GABRB1: variants seen among roughly 807,000 people sequenced by gnomAD.
The protein encoded by GABRB1 is gamma-aminobutyric acid receptor subunit beta-1.
Under a neutral mutation model 51.6 loss-of-function variants are expected in GABRB1, and 17 were observed. The observed-to-expected ratio is 0.33, with a 90% confidence interval of 0.23 to 0.49. The LOEUF (loss-of-function observed/expected upper bound fraction) is 0.49, where lower values mean the gene tolerates loss of function less well. Ranked by LOEUF, GABRB1 falls within the 20% of genes least tolerant of loss-of-function variation. The probability of loss-of-function intolerance (pLI) is 0.99; values close to 1 mark genes in which losing one functional copy is unlikely to be tolerated. For missense variants in GABRB1, 410 were observed against 600.6 expected (o/e 0.68, Z 3.32); for synonymous variants, 247 against 218.9 (o/e 1.13, Z -1.14).
At chr4:47,360,150 T>A (rs1262042070) in intron 5 of GABRB1, among the ~76,000 whole-genome samples, 1 of 151,746 alleles carries the variant, frequency 6.6e-6, no homozygotes, top group African/African-American at 2.4e-5. Context: ...AGACCCAGCA[T>A]AATCTCGAGA....
intron 5 of GABRB1, among the ~76,000 whole-genome samples, chr4:47,362,367 T>G (rs1308438074): frequency 6.6e-6 from 1 of 151,680 alleles, no homozygotes; most frequent in Non-Finnish European, 1.5e-5. Context: ...GTGAGTAGAG[T>G]GGCAGCAAGA....
intron 4 of GABRB1, among the ~76,000 whole-genome samples, chr4:47,165,258 A>G (rs1207636914): frequency 6.6e-6 from 1 of 151,914 alleles, no homozygotes; most frequent in East Asian, 1.9e-4. Flanking sequence ...CCATGTCTGC[A>G]TGTAATCTTC....
intron 3 of GABRB1, among the ~76,000 whole-genome samples, chr4:47,051,169 C>T (rs538308723): frequency 5.3e-5 from 8 of 152,230 alleles, no homozygotes; most frequent in South Asian, 2.1e-4. Flanking sequence ...AAAAAAAAGA[C>T]GGGGATTTCA....
intron 5 of GABRB1, among the ~76,000 whole-genome samples, chr4:47,393,690 T>C (rs1035207111): frequency 1.3e-5 from 2 of 152,236 alleles, no homozygotes; most frequent in African/African-American, 4.8e-5. Context: ...ATTCCCTGTA[T>C]ACAGTATTCA....
At chr4:47,081,649 C>T (rs2109567848) in intron 3 of GABRB1, among the ~76,000 whole-genome samples, 1 of 152,068 alleles carries the variant, frequency 6.6e-6, no homozygotes, top group South Asian at 2.1e-4. Context: ...CTTAATGTGC[C>T]CAAGTTTAAT....
intron 1 of GABRB1, among the ~76,000 whole-genome samples, chr4:47,019,565 C>G (rs1411228512): frequency 6.6e-6 from 1 of 151,294 alleles, no homozygotes; most frequent in African/African-American, 2.4e-5. Flanking sequence ...CTCTCTCTCT[C>G]TCTCTCTCTC....
chr4:47,137,449 A>G (rs2109685607), intron 3 of GABRB1, among the ~76,000 whole-genome samples: 1 of 152,264 alleles, frequency 6.6e-6, no homozygotes, highest in South Asian at 2.1e-4. Context: ...TGCCAAATGG[A>G]AGAGAATGCT....
intron 4 of GABRB1, among the ~76,000 whole-genome samples, chr4:47,287,191 T>A (rs763171906): frequency 2.0e-5 from 3 of 152,194 alleles, no homozygotes; most frequent in Non-Finnish European, 2.9e-5. Context: ...GTGCTGAGGT[T>A]CTTATACCAG....
chr4:47,376,821 G>A (rs1370428777), intron 5 of GABRB1, among the ~76,000 whole-genome samples: 1 of 152,188 alleles, frequency 6.6e-6, no homozygotes, highest in Non-Finnish European at 1.5e-5. Context: ...ACCCCAGTGA[G>A]TCATGTATTT....
At chr4:47,409,982 T>A (rs1185305417) in intron 8 of GABRB1, among the ~76,000 whole-genome samples, 1 of 152,164 alleles carries the variant, frequency 6.6e-6, no homozygotes, top group Non-Finnish European at 1.5e-5. Context: ...ATGTTCCCAT[T>A]TGACTGACCT....
At chr4:47,296,486 C>A (rs1376600141) in intron 4 of GABRB1, among the ~76,000 whole-genome samples, 1 of 152,020 alleles carries the variant, frequency 6.6e-6, no homozygotes, top group Non-Finnish European at 1.5e-5. Context: ...AGACTTTAAA[C>A]CAACAAAGAT....
chr4:47,134,905 C>T (rs1716573628), intron 3 of GABRB1, among the ~76,000 whole-genome samples: 1 of 152,054 alleles, frequency 6.6e-6, no homozygotes, highest in Non-Finnish European at 1.5e-5. Context: ...TCACTTAGAG[C>T]CAGAAGTTTG....
intron 4 of GABRB1, among the ~76,000 whole-genome samples, chr4:47,298,204 C>G (rs1350116262): frequency 6.6e-6 from 1 of 152,184 alleles, no homozygotes; most frequent in Admixed American, 6.5e-5. Flanking sequence ...CCTCTCTCAC[C>G]ACTCCTATTC....
chr4:47,296,829 C>A (rs962597735), intron 4 of GABRB1, among the ~76,000 whole-genome samples: 1 of 152,180 alleles, frequency 6.6e-6, no homozygotes, highest in Admixed American at 6.5e-5. Context: ...CCACACCACA[C>A]CTATTCCAAA....
intron 1 of GABRB1, among the ~76,000 whole-genome samples, chr4:46,996,055 G>T (rs1723984609): frequency 6.9e-6 from 1 of 144,658 alleles, no homozygotes; most frequent in South Asian, 2.2e-4. Flanking sequence ...AAAAAATATT[G>T]CCTGCTAACT....
At chr4:47,272,487 T>C (rs1722909772) in intron 4 of GABRB1, among the ~76,000 whole-genome samples, 1 of 152,190 alleles carries the variant, frequency 6.6e-6, no homozygotes, top group African/African-American at 2.4e-5. Flanking sequence ...GCTTCTTTTT[T>C]AACATTATTA....
chr4:47,397,010 T>C (rs1728199376), intron 5 of GABRB1, among the ~76,000 whole-genome samples: 1 of 152,206 alleles, frequency 6.6e-6, no homozygotes, highest in Non-Finnish European at 1.5e-5. Flanking sequence ...TTTGTCTTTT[T>C]TGTTGTTTGT....
intron 3 of GABRB1, among the ~76,000 whole-genome samples, chr4:47,063,880 G>A (rs1726944148): frequency 6.6e-6 from 1 of 152,072 alleles, no homozygotes. Flanking sequence ...ACTGGGGCCT[G>A]TCAGGGGAGG....
intron 3 of GABRB1, among the ~76,000 whole-genome samples, chr4:47,134,305 T>G (rs1716546987): frequency 6.6e-6 from 1 of 152,164 alleles, no homozygotes; most frequent in Non-Finnish European, 1.5e-5. Context: ...AAATGCTAGA[T>G]AATTGCACCC....
Sources: gnomAD v4.1 joint callset for allele counts (sites outside exome capture counted in the v4.1 genomes callset) on GRCh38, gnomAD v4.1.1 for gene constraint, MANE v1.5 for transcripts, NCBI Gene and HGNC (gene_info 2026-07-23, HGNC 2026-07-21) for gene names.